The following KIAA1549L variants were observed in gnomAD, a reference collection of about 807,000 sequenced individuals.
KIAA1549L encodes the protein UPF0606 protein KIAA1549L.
Under a neutral mutation model 160.7 loss-of-function variants are expected in KIAA1549L, and 88 were observed. The observed-to-expected ratio is 0.55, with a 90% confidence interval of 0.46 to 0.65. The LOEUF (loss-of-function observed/expected upper bound fraction) is 0.65, where lower values mean the gene tolerates loss of function less well. Among genes scored for constraint, KIAA1549L ranks in the 30% least tolerant of loss-of-function variants. The pLI, the probability that KIAA1549L is intolerant of heterozygous loss-of-function variation, is 0.00. For missense variants in KIAA1549L, 2,258 were observed against 2,437.5 expected, an observed-to-expected ratio of 0.93 and a Z score of 1.55; for synonymous variants, 950 against 976.7, an observed-to-expected ratio of 0.97 and a Z score of 0.51.
chr11:33,384,488 G>A (rs898669407), intron 1 of KIAA1549L, among the ~76,000 whole-genome samples: 3 of 152,002 alleles, frequency 2.0e-5, no homozygotes, highest in Non-Finnish European at 2.9e-5. Flanking sequence ...TGTTAGGGAC[G>A]TATTTCATCT....
At chr11:33,594,705 C>T (rs183998400) in intron 12 of KIAA1549L, among the ~76,000 whole-genome samples, 1 of 152,334 alleles carries the variant, frequency 6.6e-6, no homozygotes, top group African/African-American at 2.4e-5. Context: ...CTACCCAAAG[C>T]TTGTTGACAG....
At chr11:33,464,539 C>CGCATTT (rs1565148006) in intron 1 of KIAA1549L, among the ~76,000 whole-genome samples, 1 of 150,156 alleles carries the variant, frequency 6.7e-6, no homozygotes, top group Non-Finnish European at 1.5e-5. Context: ...CCCCCACACA[C>CGCATTT]GCATTTGTAC....
chr11:33,614,588 T>TA (rs1850759232), intron 15 of KIAA1549L, among the ~76,000 whole-genome samples: 1 of 33,700 alleles, frequency 3.0e-5, no homozygotes, highest in Non-Finnish European at 6.3e-5. Flanking sequence ...ATATATATTT[T>TA]TTTTTTTTTT....
At chr11:33,616,202 T>C (rs1399764537) in intron 15 of KIAA1549L, among the ~76,000 whole-genome samples, 2 of 152,186 alleles carry the variant, frequency 1.3e-5, no homozygotes, top group African/African-American at 4.8e-5. Context: ...CTATGTTAGA[T>C]CTTGCTCTCT....
chr11:33,510,438 C>T lies in KIAA1549L; in HGVS notation c.239-31364C>T, dbSNP rs147115028. 3.3e-3 allele frequency among the ~76,000 whole-genome samples: 509 copies of T among 152,280 alleles called. 1 individual carries two copies. The highest frequency in any genetic ancestry group is 0.011 in the African/African-American group (478 of 41,572). Reference sequence around the variant, plus strand: ...CTGACCTCAAGTGATCCACTCGTCTCGGCCTCCCAAAGTGCTATGATTACA... The same window carrying T: ...CTGACCTCAAGTGATCCACTCGTCTTGGCCTCCCAAAGTGCTATGATTACA... On this transcript the variant is annotated intron_variant, in intron 1 of 20. Coordinates refer to ENST00000658780, the MANE Select transcript of KIAA1549L (RefSeq NM_012194.3).
chr11:33,441,385 G>A (rs987757960), intron 1 of KIAA1549L, among the ~76,000 whole-genome samples: 3 of 151,812 alleles, frequency 2.0e-5, no homozygotes, highest in African/African-American at 7.3e-5. Context: ...AAACATATGT[G>A]TGCATGTGTC....
chr11:33,606,310 C>T (rs981823993), intron 13 of KIAA1549L, among the ~76,000 whole-genome samples: 1 of 152,182 alleles, frequency 6.6e-6, no homozygotes, highest in Non-Finnish European at 1.5e-5. Context: ...TTTCTCACCT[C>T]CAACTCAAAC....
At position 33,402,417 on chromosome 11, in the gene KIAA1549L, T is replaced by C. The variant is rs530809576; in HGVS notation, c.238+25528T>C. ...CCCCTGTGGTCTCTCATCTGGATGA[T>C]TTCTGTAGCCTCCTATTTCTGGTCG... On this transcript the variant is annotated intron_variant, in intron 1 of 20. Coordinates refer to ENST00000658780, the MANE Select transcript of KIAA1549L (RefSeq NM_012194.3). Among the ~76,000 whole-genome samples the C allele has an allele frequency of 9.2e-5, 14 of 152,298 alleles. No homozygotes were observed. The South Asian group carries it at 2.9e-3, about 32-fold the overall frequency.
At chr11:33,585,703 T>C (rs111338317) in intron 11 of KIAA1549L, among the ~76,000 whole-genome samples, 2,523 of 152,158 alleles carry the variant, frequency 0.017, 65 homozygotes, top group African/African-American at 0.058. Flanking sequence ...TAAACCAAAA[T>C]TGTACTAATC....
chr11:33,467,945 G>T (rs1016174501), intron 1 of KIAA1549L, among the ~76,000 whole-genome samples: 3 of 152,242 alleles, frequency 2.0e-5, no homozygotes, highest in African/African-American at 7.2e-5. Flanking sequence ...GCTCCTTGGA[G>T]TAGGGCATTG....
intron 1 of KIAA1549L, among the ~76,000 whole-genome samples, chr11:33,452,249 A>G (rs1851735482): frequency 6.6e-6 from 1 of 152,210 alleles, no homozygotes; most frequent in Admixed American, 6.5e-5. Flanking sequence ...GCTGCCTATC[A>G]TAGCTGTCCC....
intron 10 of KIAA1549L, among the ~76,000 whole-genome samples, chr11:33,580,766 A>G (rs1400002694): frequency 6.6e-6 from 1 of 152,132 alleles, no homozygotes; most frequent in Non-Finnish European, 1.5e-5. Flanking sequence ...CCCTGCCCTC[A>G]TGGAGCTTAT....
chr11:33,546,352 C>T (rs149643506), intron 3 of KIAA1549L, among the ~76,000 whole-genome samples: 554 of 152,322 alleles, frequency 3.6e-3, no homozygotes, highest in Non-Finnish European at 6.2e-3. Context: ...CCATTCCACT[C>T]TCCTCTGGGT....
intron 1 of KIAA1549L, among the ~76,000 whole-genome samples, chr11:33,512,088 A>G (rs1853239973): frequency 1.3e-5 from 2 of 152,214 alleles, no homozygotes; most frequent in South Asian, 4.1e-4. Context: ...GTCTATGACT[A>G]TCTCAGAATA....
intron 1 of KIAA1549L, among the ~76,000 whole-genome samples, chr11:33,475,004 T>G (rs1026228754): frequency 1.3e-5 from 2 of 152,188 alleles, no homozygotes; most frequent in Non-Finnish European, 2.9e-5. Context: ...CTTCAGGGAA[T>G]ATGGTGTTGA....
intron 6 of KIAA1549L, among the ~76,000 whole-genome samples, chr11:33,555,200 A>G (rs1331176733): frequency 7.0e-6 from 1 of 143,444 alleles, no homozygotes; most frequent in African/African-American, 2.6e-5. Flanking sequence ...TCCTGTGCTT[A>G]TGGATTGGGA....
At chr11:33,590,361 C>T (rs1353240775) in intron 11 of KIAA1549L, among the ~76,000 whole-genome samples, 1 of 152,198 alleles carries the variant, frequency 6.6e-6, no homozygotes, top group African/African-American at 2.4e-5. Flanking sequence ...GCCACTTTTA[C>T]CCACCACACT....
intron 12 of KIAA1549L, among the ~76,000 whole-genome samples, chr11:33,591,847 A>G (rs551243866): frequency 1.3e-5 from 2 of 152,354 alleles, no homozygotes; most frequent in South Asian, 2.1e-4. Flanking sequence ...TCCCTTTAGG[A>G]CTACAAAAAT....
chr11:33,542,695 G>A lies in KIAA1549L; in HGVS notation c.1132G>A (p.Glu378Lys). Reference protein sequence around the residue: ...PDGSPSWSMLEVASGPASTQQ... With the variant: ...PDGSPSWSMLKVASGPASTQQ... ...TGGAAGCCCCTCATGGTCAATGTTG[G>A]AAGTGGCTTCAGGTCCTGCATCCAC... is the stretch of plus-strand genomic sequence containing the variant. Residue 378 changes from glutamate to lysine, a missense_variant, in exon 2 of 21, where the codon GAA (glutamate) becomes AAA (lysine). Around this residue, in one of 6 missense-constraint regions of KIAA1549L, gnomAD observed 540 missense variants for 465.7 expected, o/e 1.16. Coordinates refer to ENST00000658780, the MANE Select transcript of KIAA1549L (RefSeq NM_012194.3). 4 of 1,613,986 alleles carry A rather than the reference G, an allele frequency of 2.5e-6. No homozygotes were observed. The highest frequency in any genetic ancestry group is 3.4e-6 in the Non-Finnish European group (4 of 1,179,874).
Sources: gnomAD v4.1 joint callset for allele counts (sites outside exome capture counted in the v4.1 genomes callset) on GRCh38, gnomAD v4.1.1 for gene constraint, gnomAD v4.1.1 regional missense constraint, MANE v1.5 for transcripts, NCBI Gene and HGNC (gene_info 2026-07-23, HGNC 2026-07-21) for gene names.